The following CC2D2A variants were observed in gnomAD, a reference collection of about 807,000 sequenced individuals.
CC2D2A encodes coiled-coil and C2 domain-containing protein 2A.
CC2D2A carries 155 observed loss-of-function variants against 212.9 expected under a neutral mutation model. The ratio of observed to expected loss-of-function variants is 0.73; its 90% CI spans 0.64 to 0.83. The LOEUF is 0.83. Ranked by LOEUF, CC2D2A falls within the 40% of genes least tolerant of loss-of-function variation. The pLI, the probability that CC2D2A is intolerant of heterozygous loss-of-function variation, is 0.00. For synonymous variants in CC2D2A, 667 were observed against 686.5 expected (o/e 0.97, Z 0.44); for missense variants, 1,856 against 1,956.2 (o/e 0.95, Z 0.97).
chr4:15,523,186 C>T (rs549043015), intron 11 of CC2D2A, among the ~76,000 whole-genome samples: 68 of 151,816 alleles, frequency 4.5e-4, no homozygotes, highest in Admixed American at 9.2e-4. Flanking sequence ...CTTTGTCCTT[C>T]CTTCCTTCCT....
rs368456112 is a variant in CC2D2A, at chr4:15,520,745, C to T, written c.1149+3989C>T. 2.0e-4 allele frequency among the ~76,000 whole-genome samples: 31 copies of T among 152,248 alleles called. No homozygotes were observed. In the South Asian group the frequency reaches 5.6e-3, roughly 27 times the overall value. On this transcript the variant is annotated intron_variant, in intron 11 of 36. Transcript: ENST00000424120. ...GTTCCCCATCTAGACATAAGCTAAG[C>T]GGCTCTGGTGTATTTACCAGGTGGA...
chr4:15,559,289 G>T, intron 22 of CC2D2A, 32 bp downstream of exon 22: 1 of 1,405,466 alleles, frequency 7.1e-7, no homozygotes, highest in Non-Finnish European at 9.8e-7. Flanking sequence ...TGTCTTCATA[G>T]GGAGAAAAGA....
At chr4:15,475,996 T>G in intron 2 of CC2D2A, 25 bp downstream of exon 2, 1 of 1,580,074 alleles carries the variant, frequency 6.3e-7, no homozygotes, top group Non-Finnish European at 8.6e-7. Context: ...TGATGTCCTC[T>G]AGGGATGTGT....
chr4:15,522,689 A>T (rs577821087), intron 11 of CC2D2A, among the ~76,000 whole-genome samples: 1 of 152,318 alleles, frequency 6.6e-6, no homozygotes, highest in African/African-American at 2.4e-5. Flanking sequence ...AATAAGAAAG[A>T]ATACAATTTA....
intron 1 of CC2D2A, among the ~76,000 whole-genome samples, chr4:15,473,489 G>A (rs1713971256): frequency 6.6e-6 from 1 of 152,160 alleles, no homozygotes; most frequent in African/African-American, 2.4e-5. Flanking sequence ...AAGGTCCTGA[G>A]GCAACAGGAT....
In CC2D2A at chr4:15,555,295, T is replaced by C. The variant is rs1719221495; in HGVS notation, c.2625+85T>C. 3.3e-6 allele frequency: 5 copies of C among 1,499,704 alleles called. No individual in the cohort carries two copies. In the Admixed American group the frequency reaches 5.9e-5, roughly 18 times the overall value. The allele number at this position is 1,499,704 out of a possible 1,614,324, so 92.9% of individuals were successfully genotyped here. ...TACACTATCTTCTCCTATGCAATAC[T>C]GTTTAAGAACATGGGTGCTGGGTTG... On this transcript the variant is annotated intron_variant, in intron 20 of 36. Coordinates refer to ENST00000424120, the MANE Select transcript of CC2D2A (RefSeq NM_001378615.1).
In CC2D2A at chr4:15,480,757, C is replaced by T. The variant is rs1001847837; in HGVS notation, c.177C>T (p.Asn59=). The T allele has an allele frequency of 5.0e-6, 8 of 1,612,770 alleles. No individual in the cohort carries two copies. Among genetic ancestry groups the T allele is most frequent in the African/African-American group, 2.7e-5 (2 of 74,894 alleles). ...TGTCCGAAAAATCCCACCTTGGCAACCCCCAGGAGCCTGTGCAGGAGGAGC... is the reference window on the plus strand; with the variant it reads ...TGTCCGAAAAATCCCACCTTGGCAATCCCCAGGAGCCTGTGCAGGAGGAGC... ...EMVSEKSHLG[N]PQEPVQEEPK... is the part of the protein sequence containing the mutation. The change falls in exon 4 of 37, where the codon AAC becomes AAT. Residue 59 remains asparagine, a synonymous_variant. Coordinates refer to ENST00000424120, the MANE Select transcript of CC2D2A (RefSeq NM_001378615.1).
rs554777383 is a variant in CC2D2A at position 15,536,084 on chromosome 4, C to T, written c.1608-836C>T. Among the ~76,000 whole-genome samples the T allele has an allele frequency of 5.3e-5, 8 of 152,280 alleles. No individual in the cohort carries two copies. In the East Asian group the frequency reaches 1.2e-3, roughly 22 times the overall value. On this transcript the variant is annotated intron_variant, in intron 14 of 36. Coordinates refer to ENST00000424120, the MANE Select transcript of CC2D2A (RefSeq NM_001378615.1). ...GTCCTACAGAACACACTGTGGGAAA[C>T]GGTGGTTTGAACTGGGCTGATCTCC...
At chr4:15,515,241 C>T (rs937226615) in intron 9 of CC2D2A, among the ~76,000 whole-genome samples, 1 of 152,158 alleles carries the variant, frequency 6.6e-6, no homozygotes, top group African/African-American at 2.4e-5. Context: ...CTTGTAGAGA[C>T]CTTTGCTTCC....
intron 11 of CC2D2A, among the ~76,000 whole-genome samples, chr4:15,523,354 CAGGTGTTAA>C (rs898186141): frequency 5.3e-5 from 8 of 152,178 alleles, no homozygotes; most frequent in African/African-American, 1.7e-4. Context: ...GAAATGGAAG[CAGGTGTTAA>C]AGGCCCTGCA....
At chr4:15,502,310 A>C (rs1715997042) in intron 4 of CC2D2A, 119 bp from the exon 5 acceptor site, 1 of 750,626 alleles carries the variant, frequency 1.3e-6, no homozygotes, top group Non-Finnish European at 2.1e-6. Context: ...ATGTTCTCTT[A>C]TTTCTTTTTT....
intron 24 of CC2D2A, 83 bp downstream of exon 24, chr4:15,563,605 A>G: frequency 1.4e-6 from 2 of 1,417,948 alleles, no homozygotes; most frequent in Non-Finnish European, 1.9e-6. Context: ...ACTCACTCTC[A>G]TTCTTAACGT....
At chr4:15,502,668 G>A in intron 5 of CC2D2A, 151 bp downstream of exon 5, 1 of 515,920 alleles carries the variant, frequency 1.9e-6, no homozygotes, top group Non-Finnish European at 2.5e-6. Flanking sequence ...TTTTGCATTG[G>A]CACAGATGAA....
intron 11 of CC2D2A, among the ~76,000 whole-genome samples, chr4:15,524,080 C>A (rs1666754483): frequency 6.6e-6 from 1 of 152,116 alleles, no homozygotes; most frequent in African/African-American, 2.4e-5. Flanking sequence ...TTTTTCAGGG[C>A]AAATGTAGAA....
chr4:15,566,692 C>A (rs1560186254), intron 24 of CC2D2A, among the ~76,000 whole-genome samples: 2 of 152,174 alleles, frequency 1.3e-5, no homozygotes, highest in Admixed American at 6.5e-5. Context: ...TCTTCTCAAG[C>A]TGGGCATGGT....
intron 19 of CC2D2A, among the ~76,000 whole-genome samples, 196 bp downstream of exon 19, chr4:15,553,501 T>C (rs1410676678): frequency 1.3e-5 from 2 of 152,236 alleles, no homozygotes; most frequent in African/African-American, 4.8e-5. Context: ...AAAATATTAA[T>C]AGCCTAAGAA....
chr4:15,542,388 C>T (rs1446545010), intron 17 of CC2D2A, among the ~76,000 whole-genome samples: 1 of 152,164 alleles, frequency 6.6e-6, no homozygotes, highest in African/African-American at 2.4e-5. Flanking sequence ...CCCACCACCA[C>T]CCAGGCAGAA....
intron 4 of CC2D2A, chr4:15,482,106 C>G: frequency 2.0e-6 from 2 of 985,390 alleles, no homozygotes; most frequent in Non-Finnish European, 2.4e-6. Flanking sequence ...AATTGTTAGA[C>G]TGTTTTCCCT....
intron 4 of CC2D2A, among the ~76,000 whole-genome samples, chr4:15,487,744 T>G (rs1236082793): frequency 6.6e-6 from 1 of 151,896 alleles, no homozygotes; most frequent in African/African-American, 2.4e-5. Context: ...GCCTTCTTCC[T>G]GTCTTTCTTA....
Sources: gnomAD v4.1 joint callset for allele counts (sites outside exome capture counted in the v4.1 genomes callset) on GRCh38, gnomAD v4.1.1 for gene constraint, MANE v1.5 for transcripts, NCBI Gene and HGNC (gene_info 2026-07-23, HGNC 2026-07-21) for gene names.